MAMDC2: variants seen among roughly 807,000 people sequenced by gnomAD.
MAMDC2 encodes the protein MAM domain-containing protein 2.
A neutral mutation model predicts 89.8 loss-of-function variants in MAMDC2; 57 were observed. The ratio of observed to expected loss-of-function variants is 0.63; its 90% CI spans 0.51 to 0.79. MAMDC2 has a LOEUF of 0.79. Among genes scored for constraint, MAMDC2 ranks in the 30% least tolerant of loss-of-function variants. The probability of loss-of-function intolerance (pLI) is 0.00; values close to 1 mark genes in which losing one functional copy is unlikely to be tolerated. For synonymous variants in MAMDC2, 313 were observed against 293.4 expected, an observed-to-expected ratio of 1.07 and a Z score of -0.68; for missense variants, 800 against 820.6, an observed-to-expected ratio of 0.97 and a Z score of 0.31.
chr9:70,152,799 G>C (rs1488521555), intron 9 of MAMDC2, among the ~76,000 whole-genome samples: 2 of 152,130 alleles, frequency 1.3e-5, no homozygotes, highest in African/African-American at 4.8e-5. Context: ...TGTGTAAAAT[G>C]GGTATACCAG....
At chr9:70,183,857 ATTG>A (rs2032695001) in intron 11 of MAMDC2, among the ~76,000 whole-genome samples, 1 of 152,022 alleles carries the variant, frequency 6.6e-6, no homozygotes, top group African/African-American at 2.4e-5. Flanking sequence ...TAAGATTAAT[ATTG>A]TTATTTGATT....
At chr9:70,178,224 T>C (rs964459128) in intron 11 of MAMDC2, among the ~76,000 whole-genome samples, 2 of 152,184 alleles carry the variant, frequency 1.3e-5, no homozygotes, top group Admixed American at 1.3e-4. Context: ...TGGAAACTTA[T>C]ATCCTTACAG....
chr9:70,200,273 T>G (rs2033073436), intron 11 of MAMDC2, among the ~76,000 whole-genome samples: 1 of 151,132 alleles, frequency 6.6e-6, no homozygotes, highest in African/African-American at 2.4e-5. Flanking sequence ...TACATATGGC[T>G]AGCCAGTTTT....
intron 2 of MAMDC2, among the ~76,000 whole-genome samples, chr9:70,074,868 G>A (rs186945153): frequency 2.0e-5 from 3 of 152,228 alleles, no homozygotes; most frequent in African/African-American, 7.2e-5. Flanking sequence ...CTTTTTGCAT[G>A]GATCCCTTGA....
rs150738010 is a variant in MAMDC2 at position 70,193,081 on chromosome 9, G to C, written c.1651+22450G>C. On this transcript the variant is annotated intron_variant, in intron 11 of 13. Transcript: ENST00000377182. ...TGCTAACACTGGATTTTACAAGTAA[G>C]TACAAAGATAGGCCTAGGAGAAGGT... Among the ~76,000 whole-genome samples, 52 of 152,158 alleles carry C rather than the reference G, an allele frequency of 3.4e-4. 1 individual carries two copies. Among genetic ancestry groups the C allele is most frequent in the African/African-American group, 1.2e-3 (49 of 41,518 alleles).
At chr9:70,127,200 G>A (rs564850612) in intron 6 of MAMDC2, among the ~76,000 whole-genome samples, 2 of 152,188 alleles carry the variant, frequency 1.3e-5, no homozygotes, top group African/African-American at 4.8e-5. Flanking sequence ...AATTATCTCC[G>A]TATTTACACA....
Position 70,146,602 on chromosome 9 carries a change from CAG to C in MAMDC2, c.1404+2786_1404+2787del, listed in dbSNP as rs1211091245. 2.0e-5 allele frequency among the ~76,000 whole-genome samples: 3 copies of C among 152,220 alleles called. No homozygotes were observed. The East Asian group carries it at 5.8e-4, about 29-fold the overall frequency. On this transcript the variant is annotated intron_variant, in intron 9 of 13. Coordinates refer to ENST00000377182, the MANE Select transcript of MAMDC2 (RefSeq NM_153267.5). ...TAAGACAAGGGATAAAATGAGAAAT[CAG>C]AGTTTCCCTCACTAGTCCCTACTGC...
intron 6 of MAMDC2, among the ~76,000 whole-genome samples, chr9:70,128,972 A>G (rs574496221): frequency 2.0e-5 from 3 of 152,324 alleles, no homozygotes; most frequent in East Asian, 3.9e-4. Context: ...TCAGAAAAAG[A>G]TAGAAAATTA....
intron 10 of MAMDC2, 33 bp from the exon 11 acceptor site, chr9:70,170,446 T>G (rs758972665): frequency 6.3e-7 from 1 of 1,579,948 alleles, no homozygotes; most frequent in Non-Finnish European, 8.6e-7. Flanking sequence ...TGAAAGAGTC[T>G]CAGTGATTGC....
intron 11 of MAMDC2, among the ~76,000 whole-genome samples, chr9:70,171,463 G>A (rs1041741369): frequency 6.6e-6 from 1 of 152,040 alleles, no homozygotes; most frequent in Non-Finnish European, 1.5e-5. Context: ...TCATGCCATT[G>A]CACCCAGCTT....
rs765824020 is a variant in MAMDC2, at chr9:70,131,617, G to GCATTCT, written c.994+7_994+12dup. On this transcript the variant is annotated splice_donor_region_variant and intron_variant, in intron 7 of 13. Transcript: ENST00000377182. ...TTCACTGCCAGAATCAGACAGGTGA[G>GCATTCT]CATTCTCTATTTGTCATTGCATTTT... The GCATTCT allele has an allele frequency of 3.1e-6, 5 of 1,597,758 alleles. No homozygotes were observed.
At chr9:70,187,788 TTGA>T (rs542068367) in intron 11 of MAMDC2, among the ~76,000 whole-genome samples, 112 of 152,328 alleles carry the variant, frequency 7.4e-4, no homozygotes, top group African/African-American at 2.5e-3. Flanking sequence ...AATTTATCAA[TTGA>T]TGAACATTTG....
At chr9:70,197,985 A>G (rs563113829) in intron 11 of MAMDC2, among the ~76,000 whole-genome samples, 1 of 152,182 alleles carries the variant, frequency 6.6e-6, no homozygotes, top group East Asian at 1.9e-4. Context: ...TGAGTACAGT[A>G]CAGTAAGATA....
At chr9:70,160,537 C>T (rs1197474923) in intron 9 of MAMDC2, among the ~76,000 whole-genome samples, 3 of 152,150 alleles carry the variant, frequency 2.0e-5, no homozygotes, top group African/African-American at 7.2e-5. Flanking sequence ...ACTTTGCAAT[C>T]AGACACACTT....
intron 2 of MAMDC2, among the ~76,000 whole-genome samples, chr9:70,046,100 ACT>A (rs929880115): frequency 6.6e-6 from 1 of 151,972 alleles, no homozygotes; most frequent in Non-Finnish European, 1.5e-5. Context: ...TGGAGAGCAC[ACT>A]CCTCCAGCAC....
At chr9:70,108,565 G>T in intron 3 of MAMDC2, 83 bp downstream of exon 3, 1 of 1,258,028 alleles carries the variant, frequency 7.9e-7, no homozygotes, top group East Asian at 2.5e-5. Context: ...CTTCTGACAT[G>T]GAGGTTAGTT....
At chr9:70,207,697 G>C (rs1012532159) in intron 11 of MAMDC2, among the ~76,000 whole-genome samples, 1 of 152,160 alleles carries the variant, frequency 6.6e-6, no homozygotes, top group African/African-American at 2.4e-5. Flanking sequence ...TCGACATGAA[G>C]TCCTTGCCCA....
intron 2 of MAMDC2, among the ~76,000 whole-genome samples, chr9:70,050,908 G>A (rs1187268166): frequency 6.6e-6 from 1 of 152,196 alleles, no homozygotes. Context: ...TTCATACTTA[G>A]TGTGTAGTCT....
chr9:70,144,998 A>C (rs1214094150), intron 9 of MAMDC2, among the ~76,000 whole-genome samples: 2 of 152,230 alleles, frequency 1.3e-5, no homozygotes, highest in African/African-American at 4.8e-5. Context: ...TTTTGTTTCC[A>C]TTGCTAGGTA....
Sources: gnomAD v4.1 joint callset for allele counts (sites outside exome capture counted in the v4.1 genomes callset) on GRCh38, gnomAD v4.1.1 for gene constraint, MANE v1.5 for transcripts, NCBI Gene and HGNC (gene_info 2026-07-23, HGNC 2026-07-21) for gene names.